The following ADD3 variants were observed in gnomAD, a reference collection of about 807,000 sequenced individuals.
The protein encoded by ADD3 is adducin 3.
A neutral mutation model predicts 80.2 loss-of-function variants in ADD3; 25 were observed. That is an observed-to-expected ratio of 0.31 (90% CI 0.23 to 0.44). The LOEUF is 0.44. Ranked by LOEUF, ADD3 falls within the 20% of genes least tolerant of loss-of-function variation. The pLI is 1.00. For missense variants in ADD3, 829 were observed against 847.5 expected (o/e 0.98, Z 0.27); for synonymous variants, 284 against 289.6 (o/e 0.98, Z 0.20).
At chr10:110,099,077 G>A (rs1047562335) in intron 1 of ADD3, among the ~76,000 whole-genome samples, 21 of 144,226 alleles carry the variant, frequency 1.5e-4, no homozygotes, top group African/African-American at 3.8e-4. Context: ...ATGCCAACAC[G>A]CCTGGCTTTT....
chr10:110,109,647 AG>A (rs758314648), intron 2 of ADD3, among the ~76,000 whole-genome samples: 5 of 152,200 alleles, frequency 3.3e-5, no homozygotes, highest in Admixed American at 6.5e-5. Context: ...AACTGAGAAA[AG>A]TTTAAATAGT....
rs12246634 is a variant in ADD3, at chr10:110,132,779, T to G, written c.1828+379T>G. On this transcript the variant is annotated intron_variant, in intron 14 of 14. Transcript: ENST00000356080. ...TGTCTCTACTAAAAATACAAAAAAT[T>G]AGCTGGGTGTGGTGGCGGGCGCCTG... is the stretch of plus-strand genomic sequence containing the variant. The G allele has an allele frequency of 4.3e-3, 720 of 168,240 alleles. 10 individuals carry two copies. Among genetic ancestry groups the G allele is most frequent in the African/African-American group, 0.016 (666 of 41,624 alleles). The allele number at this position is 168,240 out of a possible 1,614,324, so 10.4% of individuals were successfully genotyped here. A position where few individuals can be genotyped will look rare whatever the true frequency, so the allele number is the denominator to read the frequency against.
Position 109,998,603 on chromosome 10 carries a change from G to C in ADD3, n.79+2157G>C, listed in dbSNP as rs758389568. Among the ~76,000 whole-genome samples, 4 of 152,258 alleles carry C rather than the reference G, an allele frequency of 2.6e-5. No individual in the cohort carries two copies. In the South Asian group the frequency reaches 8.3e-4, roughly 32 times the overall value. ...TCAAACTCCTCACCATGATCTGCCA[G>C]ACCCACATGATCCAGCCCCCACCTA... On this transcript the variant is annotated intron_variant and non_coding_transcript_variant, in intron 1 of 5. Transcript: ENST00000468251.
chr10:110,133,270 A>G, intron 14 of ADD3, 56 bp from the exon 15 acceptor site: 3 of 1,503,664 alleles, frequency 2.0e-6, no homozygotes, highest in Non-Finnish European at 1.8e-6. Context: ...TTTGTAAAGT[A>G]GAGCAAAAAT....
chr10:110,116,485 C>G (rs887497882), intron 4 of ADD3, 75 bp downstream of exon 4: 1 of 1,469,662 alleles, frequency 6.8e-7, no homozygotes, highest in Non-Finnish European at 9.3e-7. Context: ...TTACCTTTAC[C>G]TGGAAGTCCA....
chr10:110,099,624 A>G (rs980022522), intron 1 of ADD3, among the ~76,000 whole-genome samples: 1 of 152,254 alleles, frequency 6.6e-6, no homozygotes, highest in Non-Finnish European at 1.5e-5. Context: ...AATACAATAT[A>G]AAATGTTTGA....
At chr10:110,042,762 A>G (rs944462506) in intron 1 of ADD3, among the ~76,000 whole-genome samples, 2 of 151,646 alleles carry the variant, frequency 1.3e-5, no homozygotes, top group Non-Finnish European at 2.9e-5. Flanking sequence ...GGTAATTACA[A>G]ATAAGTACTG....
chr10:110,013,651 C>G (rs907770491), intron 1 of ADD3, among the ~76,000 whole-genome samples: 13 of 152,120 alleles, frequency 8.5e-5, no homozygotes, highest in Admixed American at 2.6e-4. Context: ...TAACCTAACT[C>G]CAAGTAATAT....
chr10:110,122,375 C>A, intron 9 of ADD3, 83 bp downstream of exon 9: 1 of 1,228,686 alleles, frequency 8.1e-7, no homozygotes, highest in Non-Finnish European at 1.1e-6. Flanking sequence ...AGAACATGCT[C>A]CATACTCTTC....
intron 1 of ADD3, among the ~76,000 whole-genome samples, chr10:110,065,401 G>C (rs1196165801): frequency 6.6e-6 from 1 of 151,522 alleles, no homozygotes; most frequent in Non-Finnish European, 1.5e-5. Flanking sequence ...TGATTTCCTT[G>C]AATATCTCCT....
In ADD3 at chr10:110,103,729, T is replaced by TA. The variant is rs529330714; in HGVS notation, c.195+2882dup. Among the ~76,000 whole-genome samples, 34 of 152,234 alleles carry TA rather than the reference T, an allele frequency of 2.2e-4. No homozygotes were observed. The East Asian group carries it at 6.2e-3, about 28-fold the overall frequency. On this transcript the variant is annotated intron_variant, in intron 2 of 14. Transcript: ENST00000356080. ...ATTTATTTATTTAGAGACAGGGTCTTACTGTGTTGCCCAGGCTAGTGTGCA... is the reference window on the plus strand; with the variant it reads ...ATTTATTTATTTAGAGACAGGGTCTTAACTGTGTTGCCCAGGCTAGTGTGCA...
chr10:110,101,315 A>G (rs1457971975), intron 2 of ADD3, among the ~76,000 whole-genome samples: 1 of 151,630 alleles, frequency 6.6e-6, no homozygotes, highest in Non-Finnish European at 1.5e-5. Context: ...AGCACACGTG[A>G]CTACACACTA....
At chr10:110,026,615 G>T (rs1450285232) in intron 1 of ADD3, among the ~76,000 whole-genome samples, 1 of 152,058 alleles carries the variant, frequency 6.6e-6, no homozygotes, top group East Asian at 1.9e-4. Context: ...TAGGACCCAG[G>T]TACAAGGTCA....
chr10:110,126,494 G>T lies in ADD3; in HGVS notation c.1599G>T (p.Lys533Asn). The part of the protein sequence containing the change: ...SQLLAGIVVD[K>N]PPSTMQFEDD... Reference sequence around the variant, plus strand: ...TGCTTGCTGGAATTGTTGTGGATAAGCCACCTTCTGTAAGTTTATGAAGTA... The same window carrying T: ...TGCTTGCTGGAATTGTTGTGGATAATCCACCTTCTGTAAGTTTATGAAGTA... The change falls in exon 12 of 15, where the codon AAG becomes AAT. Residue 533 changes from lysine (K) to asparagine (N), a missense_variant. Coordinates refer to ENST00000356080, the MANE Select transcript of ADD3 (RefSeq NM_016824.5). The T allele has an allele frequency of 6.2e-7, 1 of 1,611,300 alleles. No individual in the cohort carries two copies. Among genetic ancestry groups the T allele is most frequent in the Non-Finnish European group, 8.5e-7 (1 of 1,178,124 alleles).
intron 2 of ADD3, among the ~76,000 whole-genome samples, chr10:110,101,729 T>C (rs1848833431): frequency 6.6e-6 from 1 of 152,172 alleles, no homozygotes; most frequent in South Asian, 2.1e-4. Context: ...TGATCTGTTT[T>C]CTTACAAAAT....
At chr10:110,006,011 G>A, upstream of ADD3, 1 of 243,464 alleles carries the variant, frequency 4.1e-6, no homozygotes, top group South Asian at 4.6e-5. Flanking sequence ...TGCTGCCGCC[G>A]CCGCCGCTGC....
At chr10:110,112,264 GCA>G in intron 2 of ADD3, 1 of 152,898 alleles carries the variant, frequency 6.5e-6, no homozygotes, top group Non-Finnish European at 1.5e-5. Flanking sequence ...GGGATTACAG[GCA>G]TGCACCACCA....
intron 1 of ADD3, among the ~76,000 whole-genome samples, chr10:110,090,038 C>T (rs1847278512): frequency 6.6e-6 from 1 of 152,082 alleles, no homozygotes; most frequent in African/African-American, 2.4e-5. Context: ...ACCATCACCT[C>T]AAGTACAGAA....
chr10:110,092,328 A>G (rs1162019695), intron 1 of ADD3, among the ~76,000 whole-genome samples: 3 of 152,242 alleles, frequency 2.0e-5, no homozygotes, highest in African/African-American at 7.2e-5. Flanking sequence ...CTAGATGTCC[A>G]TAACAGTGGT....
Sources: gnomAD v4.1 joint callset for allele counts (sites outside exome capture counted in the v4.1 genomes callset) on GRCh38, gnomAD v4.1.1 for gene constraint, MANE v1.5 for transcripts, NCBI Gene and HGNC (gene_info 2026-07-23, HGNC 2026-07-21) for gene names.